The following NT5DC3 variants were observed in gnomAD, a reference collection of about 807,000 sequenced individuals.
NT5DC3 encodes 5'-nucleotidase domain containing 3, also known as 5'-nucleotidase domain-containing protein 3.
NT5DC3 carries 42 observed loss-of-function variants against 67.8 expected under a neutral mutation model. That is an observed-to-expected ratio of 0.62 (90% CI 0.48 to 0.80). The LOEUF is 0.80. Ranked by LOEUF, NT5DC3 falls within the 30% of genes least tolerant of loss-of-function variation. The pLI is 0.00. For synonymous variants in NT5DC3, 237 were observed against 255.6 expected (o/e 0.93, Z 0.69); for missense variants, 570 against 696.4 (o/e 0.82, Z 2.04).
intron 1 of NT5DC3, among the ~76,000 whole-genome samples, chr12:103,837,571 T>C (rs985496179): frequency 4.6e-5 from 7 of 152,240 alleles, no homozygotes; most frequent in African/African-American, 1.7e-4. Flanking sequence ...CTTAGAAATT[T>C]CTTCCACCAG....
intron 4 of NT5DC3, among the ~76,000 whole-genome samples, chr12:103,802,574 G>A (rs951488606): frequency 2.0e-5 from 3 of 152,160 alleles, no homozygotes; most frequent in African/African-American, 7.2e-5. Flanking sequence ...ACCTGGAGCT[G>A]GGGGGATGTG....
chr12:103,822,776 A>G (rs1887543916), intron 1 of NT5DC3, among the ~76,000 whole-genome samples: 1 of 152,230 alleles, frequency 6.6e-6, no homozygotes, highest in Non-Finnish European at 1.5e-5. Flanking sequence ...ATGTATCAAG[A>G]GTCTGTTAAA....
chr12:103,762,515 G>A, the NT5DC3 span: 1 of 1,538,370 alleles, frequency 6.5e-7, no homozygotes, highest in Non-Finnish European at 8.9e-7. Context: ...GAAGCAGTGT[G>A]TCACACAGTA....
Position 103,814,938 on chromosome 12 carries a change from C to T in NT5DC3, c.392G>A (p.Arg131Gln), listed in dbSNP as rs201980086. 17 of 1,601,668 alleles carry T rather than the reference C, an allele frequency of 1.1e-5. No homozygotes were observed. Among genetic ancestry groups the T allele is most frequent in the Middle Eastern group, 3.3e-4 (2 of 6,030 alleles). The stretch of plus-strand genomic sequence containing the variant: ...CCTGAAATGTCCCTGTGATCTTACC[C>T]GGTGTTCATTGATGAGAAGGTCCCG... Reference protein sequence around the residue: ...AARDLLINEHRYPAEIRKYEY... With the variant: ...AARDLLINEHQYPAEIRKYEY... The change falls in exon 2 of 14, where the codon CGG (arginine) becomes CAG (glutamine). Residue 131 changes from arginine (R) to glutamine (Q), a missense_variant and splice_region_variant. Arg to Gln is a conservative substitution (Grantham distance 43). Transcript: ENST00000392876.
intron 4 of NT5DC3, among the ~76,000 whole-genome samples, chr12:103,799,516 T>A (rs1379991942): frequency 6.6e-6 from 1 of 152,212 alleles, no homozygotes; most frequent in Non-Finnish European, 1.5e-5. Context: ...GCCATGATTG[T>A]GAGGCCTCCC....
At chr12:103,796,533 A>G (rs964742186) in intron 6 of NT5DC3, among the ~76,000 whole-genome samples, 1 of 151,820 alleles carries the variant, frequency 6.6e-6, no homozygotes, top group Non-Finnish European at 1.5e-5. Context: ...TCAAAAAAAA[A>G]AGAAGAGGCA....
chr12:103,826,691 G>A (rs1462834114), intron 1 of NT5DC3, among the ~76,000 whole-genome samples: 1 of 152,146 alleles, frequency 6.6e-6, no homozygotes, highest in Non-Finnish European at 1.5e-5. Context: ...CTAATTTGTG[G>A]TAATTTGTTA....
At chr12:103,795,619 A>C (rs544140008) in intron 6 of NT5DC3, among the ~76,000 whole-genome samples, 1 of 152,264 alleles carries the variant, frequency 6.6e-6, no homozygotes, top group Non-Finnish European at 1.5e-5. Context: ...TTACTTATAA[A>C]TATATAACAA....
rs781208574 is a variant in NT5DC3, at chr12:103,798,649, C to T, written c.553G>A (p.Val185Ile). The part of the protein sequence containing the change: ...RGLSVVPDEE[V>I]IEMYEGSHVP... Reference sequence around the variant, plus strand: ...TGGGACCCCTCGTACATTTCAATGACTTCTTCATCAGGGACAACACTGAGG... The same window carrying T: ...TGGGACCCCTCGTACATTTCAATGATTTCTTCATCAGGGACAACACTGAGG... The change falls in exon 5 of 14, where the codon GTC becomes ATC. Residue 185 changes from valine (V) to isoleucine (I), a missense_variant. Around this residue, in one of 2 missense-constraint regions of NT5DC3, gnomAD observed 466 missense variants for 608.0 expected, o/e 0.77. Coordinates refer to ENST00000392876, the MANE Select transcript of NT5DC3 (RefSeq NM_001031701.3). The T allele has an allele frequency of 9.9e-6, 16 of 1,614,010 alleles. No homozygotes were observed. The South Asian group carries it at 1.6e-4, about 17-fold the overall frequency.
intron 9 of NT5DC3, among the ~76,000 whole-genome samples, chr12:103,789,852 A>T (rs1885962794): frequency 6.6e-6 from 1 of 152,202 alleles, no homozygotes; most frequent in African/African-American, 2.4e-5. Flanking sequence ...ATTGTAATAC[A>T]GAAAAATACT....
chr12:103,838,310 C>CA (rs1296858388), intron 1 of NT5DC3, among the ~76,000 whole-genome samples: 1 of 152,202 alleles, frequency 6.6e-6, no homozygotes, highest in Non-Finnish European at 1.5e-5. Context: ...TCTTCCCCAT[C>CA]CCATGCTTCA....
intron 4 of NT5DC3, among the ~76,000 whole-genome samples, chr12:103,803,414 T>C (rs1207510020): frequency 6.6e-6 from 1 of 152,194 alleles, no homozygotes; most frequent in Non-Finnish European, 1.5e-5. Context: ...ATGAGACATG[T>C]GCACAAAAAT....
intron 1 of NT5DC3, 35 bp from the exon 2 acceptor site, chr12:103,815,156 TAATA>T (rs755972023): frequency 7.2e-7 from 1 of 1,391,634 alleles, no homozygotes; most frequent in Non-Finnish European, 9.9e-7. Flanking sequence ...TTATACTACA[TAATA>T]AATAAGGGTT....
chr12:103,819,539 G>A (rs1887404423), intron 1 of NT5DC3: 1 of 152,218 alleles, frequency 6.6e-6, no homozygotes, highest in South Asian at 2.1e-4. Context: ...CTCTGTTGCT[G>A]TGGCCACAGC....
the NT5DC3 span, among the ~76,000 whole-genome samples, chr12:103,762,046 A>C: frequency 6.6e-6 from 1 of 152,188 alleles, no homozygotes; most frequent in African/African-American, 2.4e-5. Context: ...TCTGTGCCCC[A>C]GTTCTCCCAC....
At chr12:103,798,323 G>A (rs1475322110) in intron 5 of NT5DC3, among the ~76,000 whole-genome samples, 1 of 152,210 alleles carries the variant, frequency 6.6e-6, no homozygotes, top group African/African-American at 2.4e-5. Context: ...CCCCACTCCA[G>A]AAACTAGGGA....
the NT5DC3 span, among the ~76,000 whole-genome samples, chr12:103,758,502 C>T: frequency 3.3e-5 from 5 of 152,302 alleles, no homozygotes; most frequent in East Asian, 3.9e-4. Flanking sequence ...TGGCTCTGCT[C>T]CATGGAACTC....
At chr12:103,796,611 C>A (rs755636136) in intron 6 of NT5DC3, among the ~76,000 whole-genome samples, 42 of 152,338 alleles carry the variant, frequency 2.8e-4, no homozygotes, top group Non-Finnish European at 5.4e-4. Flanking sequence ...ATCCCTTTGG[C>A]CAAGTGCACC....
chr12:103,808,877 T>C (rs956621319), intron 2 of NT5DC3, among the ~76,000 whole-genome samples: 1 of 152,250 alleles, frequency 6.6e-6, no homozygotes, highest in African/African-American at 2.4e-5. Context: ...GTGCCTTCAC[T>C]GAGCATATGC....
Sources: allele counts gnomAD v4.1 joint callset (sites outside exome capture counted in the v4.1 genomes callset), GRCh38; gene constraint gnomAD v4.1.1; regional missense constraint gnomAD v4.1.1; transcripts MANE v1.5; gene names NCBI Gene and HGNC (gene_info 2026-07-23, HGNC 2026-07-21).